Variants in PIGK observed in about 807,000 individuals in gnomAD.
PIGK encodes GPI-anchor transamidase.
In PIGK, 42 loss-of-function variants were observed where a neutral mutation model predicts 50.6. That is an observed-to-expected ratio of 0.83 (90% CI 0.65 to 1.07). The LOEUF is 1.07. Ranked by LOEUF, PIGK falls within the 50% of genes least tolerant of loss-of-function variation. The pLI is 0.00. For synonymous variants in PIGK, 151 were observed against 156.0 expected, an observed-to-expected ratio of 0.97 and a Z score of 0.24; for missense variants, 448 against 488.7, an observed-to-expected ratio of 0.92 and a Z score of 0.78.
At chr1:77,155,968 G>C (rs1654999995) in intron 8 of PIGK, among the ~76,000 whole-genome samples, 1 of 152,084 alleles carries the variant, frequency 6.6e-6, no homozygotes, top group African/African-American at 2.4e-5. Context: ...TCAAACTAAG[G>C]CTCAAAGAGA....
At chr1:77,098,209 T>G (rs1399114952) in intron 10 of PIGK, among the ~76,000 whole-genome samples, 1 of 152,032 alleles carries the variant, frequency 6.6e-6, no homozygotes, top group Non-Finnish European at 1.5e-5. Flanking sequence ...AAACACACTT[T>G]ACATGGTTCA....
At chr1:77,199,278 G>A (rs1656107318) in intron 3 of PIGK, among the ~76,000 whole-genome samples, 1 of 152,054 alleles carries the variant, frequency 6.6e-6, no homozygotes, top group Non-Finnish European at 1.5e-5. Context: ...GGAACATCAT[G>A]TAGAGTGGCA....
chr1:77,113,293 TA>T (rs1338844827), intron 10 of PIGK, among the ~76,000 whole-genome samples: 1 of 152,114 alleles, frequency 6.6e-6, no homozygotes, highest in East Asian at 1.9e-4. Context: ...AGTTAATTAC[TA>T]CCAAGTATCT....
intron 10 of PIGK, among the ~76,000 whole-genome samples, chr1:77,117,040 C>T (rs887506395): frequency 1.6e-4 from 24 of 152,194 alleles, no homozygotes; most frequent in African/African-American, 5.8e-4. Context: ...AGATAATTTG[C>T]CACCATTCCA....
At position 77,107,873 on chromosome 1, in the gene PIGK, T is replaced by A. The variant is rs1167013166; in HGVS notation, c.1071+14402A>T. 2.0e-5 allele frequency among the ~76,000 whole-genome samples: 3 copies of A among 152,296 alleles called. No homozygotes were observed. In the East Asian group the frequency reaches 5.8e-4, roughly 29 times the overall value. Reference sequence around the variant, plus strand: ...CTTCTTTGTCTCTTTTGATCTTTGTTGGTTTAAAGTCTGTTTTATCAGAGA... The same window carrying A: ...CTTCTTTGTCTCTTTTGATCTTTGTAGGTTTAAAGTCTGTTTTATCAGAGA... On this transcript the variant is annotated intron_variant, in intron 10 of 10. Coordinates refer to ENST00000370812, the MANE Select transcript of PIGK (RefSeq NM_005482.3).
chr1:77,102,576 C>T (rs1653574893), intron 10 of PIGK, among the ~76,000 whole-genome samples: 1 of 152,104 alleles, frequency 6.6e-6, no homozygotes, highest in Non-Finnish European at 1.5e-5. Context: ...GGCAAGGAAA[C>T]TGATTCTTCC....
At chr1:77,195,212 C>T in intron 3 of PIGK, 1 of 1,205,052 alleles carries the variant, frequency 8.3e-7, no homozygotes, top group South Asian at 1.2e-5. Flanking sequence ...GAGAAAGGTG[C>T]TGGACTTTTC....
chr1:77,148,649 T>C (rs1349654641), intron 9 of PIGK, among the ~76,000 whole-genome samples: 1 of 151,978 alleles, frequency 6.6e-6, no homozygotes, highest in African/African-American at 2.4e-5. Flanking sequence ...TGCACAGGTT[T>C]TGGTTTGTTT....
chr1:77,103,870 G>GA (rs1201082133), intron 10 of PIGK, among the ~76,000 whole-genome samples: 2 of 152,034 alleles, frequency 1.3e-5, no homozygotes, highest in African/African-American at 2.4e-5. Flanking sequence ...TGGTAGAAGG[G>GA]AAAAAAATAT....
intron 5 of PIGK, among the ~76,000 whole-genome samples, chr1:77,165,200 AT>A (rs1655208887): frequency 6.6e-6 from 1 of 152,154 alleles, no homozygotes; most frequent in Non-Finnish European, 1.5e-5. Flanking sequence ...TTCCAACAGA[AT>A]CAGGAAACAA....
At position 77,219,072 on chromosome 1, in the gene PIGK, A is replaced by G. The variant is rs549703161; in HGVS notation, c.93+238T>C. 4.6e-5 allele frequency among the ~76,000 whole-genome samples: 7 copies of G among 152,326 alleles called. No homozygotes were observed. In the South Asian group the frequency reaches 1.4e-3, roughly 32 times the overall value. On this transcript the variant is annotated intron_variant, in intron 1 of 10. Transcript: ENST00000370812. ...CACCTAAGAACTGCACACATGTAGG[A>G]GCAAAGGATCAGGTCCTCCTCTGTC...
intron 9 of PIGK, among the ~76,000 whole-genome samples, chr1:77,152,058 A>C (rs894869429): frequency 2.6e-5 from 4 of 152,200 alleles, no homozygotes; most frequent in Non-Finnish European, 4.4e-5. Context: ...AACCCTGAGC[A>C]AGAAGAACAA....
intron 6 of PIGK, among the ~76,000 whole-genome samples, chr1:77,162,249 A>G (rs1301753172): frequency 2.0e-5 from 3 of 152,198 alleles, no homozygotes; most frequent in Admixed American, 6.5e-5. Context: ...GTGTTGAATG[A>G]ACACTGAGAA....
intron 10 of PIGK, among the ~76,000 whole-genome samples, chr1:77,108,683 T>C (rs1282918329): frequency 6.6e-6 from 1 of 152,166 alleles, no homozygotes; most frequent in Middle Eastern, 3.2e-3. Flanking sequence ...TCCTGCAGAG[T>C]GTTTTCCAAG....
chr1:77,191,008 C>T (rs1455076726), intron 3 of PIGK, among the ~76,000 whole-genome samples: 1 of 152,214 alleles, frequency 6.6e-6, no homozygotes, highest in Non-Finnish European at 1.5e-5. Context: ...ATCAGTACAG[C>T]GTTGACAAGT....
chr1:77,169,324 C>G lies in PIGK; in HGVS notation c.311G>C (p.Ser104Thr). The G allele has an allele frequency of 6.2e-7, 1 of 1,604,094 alleles. No individual in the cohort carries two copies. Among genetic ancestry groups the G allele is most frequent in the Non-Finnish European group, 8.5e-7 (1 of 1,173,300 alleles). ...CACATTTAGTTCCATATTCTTGTGA[C>G]TAAACACTGTAGCTGGTTTGGGATT... ...PRNPKPATVF[S>T]HKNMELNVYG... Residue 104 changes from serine (S) to threonine (T), a missense_variant, in exon 4 of 11, where the codon AGT becomes ACT. Coordinates refer to ENST00000370812, the MANE Select transcript of PIGK (RefSeq NM_005482.3).
intron 3 of PIGK, among the ~76,000 whole-genome samples, chr1:77,201,282 GACAAA>G (rs1230087370): frequency 6.6e-6 from 1 of 152,110 alleles, no homozygotes; most frequent in Non-Finnish European, 1.5e-5. Flanking sequence ...AGTTAAAAGG[GACAAA>G]AGACAAAAAG....
At chr1:77,188,192 T>C (rs4336901) in intron 3 of PIGK, among the ~76,000 whole-genome samples, 118,665 of 152,070 alleles carry the variant, frequency 0.78, 46,377 homozygotes, top group African/African-American at 0.82. Flanking sequence ...CTCTGACCAC[T>C]GGTGAGCCGG....
chr1:77,209,367 T>C, intron 2 of PIGK, among the ~76,000 whole-genome samples: 1 of 151,670 alleles, frequency 6.6e-6, no homozygotes, highest in South Asian at 2.1e-4. Context: ...TAATTCACAC[T>C]AAGGTTGGGC....
Sources: allele counts gnomAD v4.1 joint callset (sites outside exome capture counted in the v4.1 genomes callset), GRCh38; gene constraint gnomAD v4.1.1; transcripts MANE v1.5; gene names NCBI Gene and HGNC (gene_info 2026-07-23, HGNC 2026-07-21).